Variants in NPSR1 observed in about 807,000 individuals in gnomAD.
NPSR1 encodes neuropeptide S receptor 1.
A neutral mutation model predicts 46.9 loss-of-function variants in NPSR1; 48 were observed. That is an observed-to-expected ratio of 1.02 (90% CI 0.81 to 1.30). The LOEUF (loss-of-function observed/expected upper bound fraction) is 1.30. NPSR1 is among the 50% of genes most tolerant of loss of function. The pLI is 0.00. For synonymous variants in NPSR1, 176 were observed against 168.1 expected (o/e 1.05, Z -0.36); for missense variants, 450 against 449.5 (o/e 1.00, Z -0.01).
chr7:34,785,698 C>T (rs145754099), intron 3 of NPSR1, among the ~76,000 whole-genome samples: 3 of 151,906 alleles, frequency 2.0e-5, no homozygotes, highest in Non-Finnish European at 4.4e-5. Context: ...TAGAGGTATA[C>T]CTCAGAGATA....
chr7:34,801,953 C>A (rs1220437589), intron 3 of NPSR1, among the ~76,000 whole-genome samples: 1 of 149,910 alleles, frequency 6.7e-6, no homozygotes, highest in Non-Finnish European at 1.5e-5. Flanking sequence ...CATGAGGGAA[C>A]ACCCATTCAC....
intron 7 of NPSR1, among the ~76,000 whole-genome samples, chr7:34,845,894 C>A (rs796212454): frequency 1.3e-5 from 2 of 152,114 alleles, no homozygotes; most frequent in Admixed American, 6.5e-5. Context: ...TTAAATACCC[C>A]CTCCTTGCCC....
intron 2 of NPSR1, among the ~76,000 whole-genome samples, chr7:34,742,118 T>G (rs757098109): frequency 1.3e-5 from 2 of 152,222 alleles, no homozygotes; most frequent in Admixed American, 6.5e-5. Context: ...CTCAAGGATT[T>G]TTTAGTTTCA....
At chr7:34,685,890 TC>T (rs1935383906) in intron 2 of NPSR1, 1 of 230,448 alleles carries the variant, frequency 4.3e-6, no homozygotes, top group African/African-American at 2.4e-5. Context: ...CTTCAATCTT[TC>T]CTACCAACAA....
At chr7:34,861,285 G>A (rs1791186347) in intron 8 of NPSR1, among the ~76,000 whole-genome samples, 1 of 151,902 alleles carries the variant, frequency 6.6e-6, no homozygotes, top group Admixed American at 6.5e-5. Flanking sequence ...ATGAGCCTCT[G>A]AGCCACCTCC....
intron 5 of NPSR1, among the ~76,000 whole-genome samples, chr7:34,828,964 C>A (rs999259393): frequency 6.6e-6 from 1 of 152,176 alleles, no homozygotes; most frequent in Admixed American, 6.5e-5. Context: ...CTTACTAAAT[C>A]TTTGCCAACC....
At chr7:34,686,960 C>CAAAAAAAAA (rs66886501) in intron 2 of NPSR1, among the ~76,000 whole-genome samples, 7 of 94,200 alleles carry the variant, frequency 7.4e-5, no homozygotes, top group South Asian at 7.6e-4. Context: ...GACTCCGTCT[C>CAAAAAAAAA]AAAAAAAAAA....
intron 6 of NPSR1, among the ~76,000 whole-genome samples, chr7:34,843,197 C>A (rs948705656): frequency 1.1e-4 from 17 of 152,170 alleles, no homozygotes; most frequent in African/African-American, 4.1e-4. Context: ...CAGAATACCA[C>A]AGACTGGGAA....
chr7:34,807,889 AC>A (rs1289266820), intron 3 of NPSR1, among the ~76,000 whole-genome samples: 1 of 144,354 alleles, frequency 6.9e-6, no homozygotes, highest in Non-Finnish European at 1.5e-5. Flanking sequence ...CCCCGCCCCT[AC>A]CCCCCACCAC....
chr7:34,720,801 A>G (rs1783817552), intron 2 of NPSR1, among the ~76,000 whole-genome samples: 1 of 152,224 alleles, frequency 6.6e-6, no homozygotes, highest in Non-Finnish European at 1.5e-5. Flanking sequence ...CAATGAACAG[A>G]AAGCAGGGGC....
chr7:34,858,129 C>T (rs529290851), intron 8 of NPSR1, among the ~76,000 whole-genome samples: 3 of 151,796 alleles, frequency 2.0e-5, no homozygotes, highest in South Asian at 4.1e-4. Flanking sequence ...AATTATGTGC[C>T]TTAAACTAGT....
At chr7:34,723,572 A>T (rs1783980288) in intron 2 of NPSR1, among the ~76,000 whole-genome samples, 1 of 151,610 alleles carries the variant, frequency 6.6e-6, no homozygotes, top group African/African-American at 2.4e-5. Context: ...AATTGTAATT[A>T]TCTATGTTTA....
At chr7:34,723,682 CT>C (rs1203707784) in intron 2 of NPSR1, among the ~76,000 whole-genome samples, 1 of 151,876 alleles carries the variant, frequency 6.6e-6, no homozygotes, top group African/African-American at 2.4e-5. Flanking sequence ...TCTATCCAGC[CT>C]TTTTTTGAGA....
intron 8 of NPSR1, among the ~76,000 whole-genome samples, chr7:34,864,851 G>A (rs1791272871): frequency 6.6e-6 from 1 of 151,876 alleles, no homozygotes; most frequent in Non-Finnish European, 1.5e-5. Context: ...CTTCCCCACT[G>A]TGGCATAAAC....
chr7:34,762,836 T>G (rs1786240549), intron 2 of NPSR1, among the ~76,000 whole-genome samples: 1 of 152,200 alleles, frequency 6.6e-6, no homozygotes, highest in African/African-American at 2.4e-5. Context: ...ATTCAATATC[T>G]CCCTTATTTA....
chr7:34,729,845 T>A (rs1396128845), intron 2 of NPSR1, among the ~76,000 whole-genome samples: 1 of 152,210 alleles, frequency 6.6e-6, no homozygotes, highest in Non-Finnish European at 1.5e-5. Context: ...CGATCTCAAC[T>A]CACTGCAACC....
At chr7:34,737,884 G>T (rs866647477) in intron 2 of NPSR1, among the ~76,000 whole-genome samples, 1 of 152,264 alleles carries the variant, frequency 6.6e-6, no homozygotes, top group South Asian at 2.1e-4. Context: ...TCTCCTTCCA[G>T]GAGTTCTCTT....
chr7:34,861,157 C>T (rs1432460924), intron 8 of NPSR1, among the ~76,000 whole-genome samples: 2 of 151,940 alleles, frequency 1.3e-5, no homozygotes, highest in Non-Finnish European at 2.9e-5. Flanking sequence ...GCCCTACTCA[C>T]ACTGGGGACA....
chr7:34,773,160 T>C (rs1442261939), intron 2 of NPSR1, among the ~76,000 whole-genome samples: 2 of 152,162 alleles, frequency 1.3e-5, no homozygotes, highest in African/African-American at 4.8e-5. Flanking sequence ...GTATACTTCC[T>C]GTTAGGGACC....
Sources: gnomAD v4.1 joint callset for allele counts (sites outside exome capture counted in the v4.1 genomes callset) on GRCh38, gnomAD v4.1.1 for gene constraint, MANE v1.5 for transcripts, NCBI Gene and HGNC (gene_info 2026-07-23, HGNC 2026-07-21) for gene names.